AFAP1: variants seen among roughly 807,000 people sequenced by gnomAD.
The protein encoded by AFAP1 is actin filament-associated protein 1.
AFAP1 carries 75 observed loss-of-function variants against 93.9 expected under a neutral mutation model. The observed-to-expected ratio is 0.80, with a 90% CI of 0.66 to 0.97. The LOEUF (loss-of-function observed/expected upper bound fraction) is 0.97, where lower values mean the gene tolerates loss of function less well. Among genes scored for constraint, AFAP1 ranks in the 50% least tolerant of loss-of-function variants. AFAP1 has a pLI of 0.00. For synonymous variants in AFAP1, 517 were observed against 430.7 expected (o/e 1.20, Z -2.48); for missense variants, 1,201 against 1,050.8 (o/e 1.14, Z -1.98).
intron 17 of AFAP1, among the ~76,000 whole-genome samples, chr4:7,766,524 C>T (rs1714601205): frequency 6.6e-6 from 1 of 152,004 alleles, no homozygotes; most frequent in African/African-American, 2.4e-5. Flanking sequence ...CAACTCGGAG[C>T]AGGGCAGGAA....
At chr4:7,771,524 A>G (rs549751648) in intron 16 of AFAP1, among the ~76,000 whole-genome samples, 3 of 152,372 alleles carry the variant, frequency 2.0e-5, no homozygotes, top group African/African-American at 7.2e-5. Flanking sequence ...GAATGAATGA[A>G]TGCATGTGTA....
At chr4:7,824,031 T>C (rs1251481594) in intron 6 of AFAP1, among the ~76,000 whole-genome samples, 2 of 152,266 alleles carry the variant, frequency 1.3e-5, no homozygotes, top group Non-Finnish European at 2.9e-5. Context: ...GTTATTTTCA[T>C]GAAACTGTCT....
intron 4 of AFAP1, among the ~76,000 whole-genome samples, chr4:7,854,961 G>C (rs892722736): frequency 3.9e-5 from 6 of 152,264 alleles, no homozygotes; most frequent in African/African-American, 1.4e-4. Context: ...AGGAGAACCA[G>C]AACTTAGGCA....
chr4:7,764,220 T>C (rs555025765), intron 17 of AFAP1, among the ~76,000 whole-genome samples: 1 of 152,344 alleles, frequency 6.6e-6, no homozygotes, highest in Admixed American at 6.5e-5. Flanking sequence ...ATTTCACTTA[T>C]GTGAGGGACC....
At chr4:7,805,330 C>T (rs1446136898) in intron 9 of AFAP1, among the ~76,000 whole-genome samples, 1 of 152,162 alleles carries the variant, frequency 6.6e-6, no homozygotes, top group Admixed American at 6.5e-5. Context: ...TGGAAGGGAC[C>T]CTGGGAATGG....
chr4:7,858,667 G>A (rs147131880), intron 3 of AFAP1, among the ~76,000 whole-genome samples: 2,056 of 152,266 alleles, frequency 0.014, 46 homozygotes, highest in African/African-American at 0.047. Context: ...AAGAGAGTCT[G>A]GCAAAGGGAG....
chr4:7,859,409 A>AT (rs1401054654), intron 3 of AFAP1, among the ~76,000 whole-genome samples: 1 of 151,716 alleles, frequency 6.6e-6, no homozygotes, highest in Non-Finnish European at 1.5e-5. Flanking sequence ...ACAGAGCAAG[A>AT]CTCTGTCTCG....
intron 16 of AFAP1, among the ~76,000 whole-genome samples, chr4:7,770,295 G>T (rs1028568641): frequency 5.3e-5 from 8 of 152,212 alleles, no homozygotes; most frequent in South Asian, 2.1e-4. Flanking sequence ...CATGGGGGTG[G>T]AAGAATGTGG....
chr4:7,913,139 A>G (rs1719861126), intron 1 of AFAP1, among the ~76,000 whole-genome samples: 1 of 152,216 alleles, frequency 6.6e-6, no homozygotes, highest in African/African-American at 2.4e-5. Context: ...CTGTAATCAC[A>G]GCACTGTGGG....
intron 15 of AFAP1, chr4:7,774,357 T>A: frequency 4.9e-6 from 1 of 206,164 alleles, no homozygotes; most frequent in South Asian, 1.1e-4. Context: ...TGGGCTACCC[T>A]CTGTAGAGAA....
At chr4:7,893,176 C>T (rs1410135652) in intron 1 of AFAP1, among the ~76,000 whole-genome samples, 7 of 152,210 alleles carry the variant, frequency 4.6e-5, no homozygotes, top group Non-Finnish European at 8.8e-5. Context: ...TGGCTAGCAA[C>T]ATCCCCTTTC....
chr4:7,801,929 A>AAAAAAAAAC (rs1560167807), intron 9 of AFAP1, among the ~76,000 whole-genome samples: 2 of 151,192 alleles, frequency 1.3e-5, no homozygotes, highest in East Asian at 1.9e-4. Flanking sequence ...AAAAAAAAAA[A>AAAAAAAAAC]AAAAAAAAAA....
chr4:7,913,090 T>C (rs1315947765), intron 1 of AFAP1, among the ~76,000 whole-genome samples: 5 of 152,158 alleles, frequency 3.3e-5, no homozygotes, highest in Non-Finnish European at 5.9e-5. Flanking sequence ...GCTCAAGTCA[T>C]CATCCCACTT....
intron 6 of AFAP1, among the ~76,000 whole-genome samples, chr4:7,831,930 C>T (rs150051640): frequency 1.2e-4 from 19 of 152,210 alleles, no homozygotes; most frequent in South Asian, 4.1e-4. Context: ...AAAGAGGGAA[C>T]GGCAAACTGT....
intron 1 of AFAP1, among the ~76,000 whole-genome samples, chr4:7,924,158 T>A (rs920781938): frequency 1.2e-4 from 18 of 152,298 alleles, no homozygotes; most frequent in African/African-American, 4.1e-4. Context: ...GAATACTGCT[T>A]TCTATTCCTG....
intron 1 of AFAP1, among the ~76,000 whole-genome samples, chr4:7,902,118 C>A (rs555299194): frequency 2.7e-4 from 41 of 152,284 alleles, no homozygotes; most frequent in Non-Finnish European, 5.1e-4. Flanking sequence ...GTCAACAACC[C>A]GTCTTCTCTG....
intron 6 of AFAP1, among the ~76,000 whole-genome samples, chr4:7,828,782 G>C (rs1297938279): frequency 2.0e-5 from 3 of 152,156 alleles, no homozygotes; most frequent in Non-Finnish European, 4.4e-5. Context: ...CACATAGCTT[G>C]TCCAAGAAAC....
intron 1 of AFAP1, among the ~76,000 whole-genome samples, chr4:7,898,803 G>A (rs1171499919): frequency 7.5e-6 from 1 of 132,458 alleles, no homozygotes; most frequent in East Asian, 2.2e-4. Context: ...GTGCTGGGCA[G>A]TAGAAGTGTG....
intron 1 of AFAP1, among the ~76,000 whole-genome samples, chr4:7,893,389 G>C (rs1718583987): frequency 6.6e-6 from 1 of 152,102 alleles, no homozygotes; most frequent in African/African-American, 2.4e-5. Context: ...GACCATCCTG[G>C]CTAACATGGT....
Sources: gnomAD v4.1 joint callset for allele counts (sites outside exome capture counted in the v4.1 genomes callset) on GRCh38, gnomAD v4.1.1 for gene constraint, MANE v1.5 for transcripts, NCBI Gene and HGNC (gene_info 2026-07-23, HGNC 2026-07-21) for gene names.